The following KSR1 variants were observed in gnomAD, a reference collection of about 807,000 sequenced individuals.
The protein encoded by KSR1 is kinase suppressor of ras 1.
A neutral mutation model predicts 92.9 loss-of-function variants in KSR1; 35 were observed. The ratio of observed to expected loss-of-function variants is 0.38; its 90% CI spans 0.29 to 0.50. The LOEUF (loss-of-function observed/expected upper bound fraction) is 0.50, where lower values mean the gene tolerates loss of function less well. Ranked by LOEUF, KSR1 falls within the 20% of genes least tolerant of loss-of-function variation. The pLI, the probability that KSR1 is intolerant of heterozygous loss-of-function variation, is 0.94. For missense variants in KSR1, 972 were observed against 1,158.5 expected, an observed-to-expected ratio of 0.84 and a Z score of 2.34; for synonymous variants, 467 against 472.6, an observed-to-expected ratio of 0.99 and a Z score of 0.15.
rs1386376986 is a variant in KSR1, at chr17:27,559,577, C to T, written c.372+8869C>T. On this transcript the variant is annotated intron_variant, in intron 2 of 20. Coordinates refer to ENST00000644974, the MANE Select transcript of KSR1 (RefSeq NM_001394583.1). The surrounding 1 kb of genome is among the most constrained non-coding windows in gnomAD (Gnocchi z 4.2). ...TGGCTATGACTGCATTGACCAGGGC[C>T]CTGTGGTGAGAGCTGGGATGCTGAA... is the stretch of plus-strand genomic sequence containing the variant. 6.6e-6 allele frequency among the ~76,000 whole-genome samples: 1 copy of T among 152,186 alleles called. No individual in the cohort carries two copies. Among genetic ancestry groups the T allele is most frequent in the Non-Finnish European group, 1.5e-5 (1 of 68,036 alleles).
intron 11 of KSR1, among the ~76,000 whole-genome samples, chr17:27,603,253 C>G (rs1436189902): frequency 6.6e-6 from 1 of 152,252 alleles, no homozygotes; most frequent in Admixed American, 6.5e-5. Context: ...CTTCCTCTCC[C>G]CTGAGAGCTG....
At chr17:27,483,537 A>C (rs1290039155) in intron 1 of KSR1, 1 of 148,188 alleles carries the variant, frequency 6.7e-6, no homozygotes, top group Non-Finnish European at 1.5e-5. Context: ...CAGTGAGCTG[A>C]GATTGCGCCA....
At chr17:27,527,204 A>G (rs1489245442) in intron 1 of KSR1, 1 of 247,948 alleles carries the variant, frequency 4.0e-6, no homozygotes, top group African/African-American at 2.3e-5. Context: ...GGCAGGTTTT[A>G]TAATTTCATT....
In KSR1 at chr17:27,564,604, G is replaced by A. The variant is rs190764905; in HGVS notation, c.373-12888G>A. On this transcript the variant is annotated intron_variant, in intron 2 of 20. Coordinates refer to ENST00000644974, the MANE Select transcript of KSR1 (RefSeq NM_001394583.1). ...CTGAGCCTCACTACCTTCTACTGTAGTCATGCTTGTCCATGAAGGGCTGTT... is the reference window on the plus strand; with the variant it reads ...CTGAGCCTCACTACCTTCTACTGTAATCATGCTTGTCCATGAAGGGCTGTT... 6.2e-4 allele frequency among the ~76,000 whole-genome samples: 95 copies of A among 152,300 alleles called. 1 individual carries two copies. Among genetic ancestry groups the A allele is most frequent in the Non-Finnish European group, 9.6e-4 (65 of 68,026 alleles).
intron 20 of KSR1, among the ~76,000 whole-genome samples, chr17:27,621,518 G>T (rs1377757882): frequency 6.6e-6 from 1 of 152,210 alleles, no homozygotes; most frequent in African/African-American, 2.4e-5. Context: ...GAGTGAATGG[G>T]TGGCTTGTCC....
chr17:27,510,795 C>T (rs1478578840), intron 1 of KSR1, among the ~76,000 whole-genome samples: 1 of 152,158 alleles, frequency 6.6e-6, no homozygotes, highest in African/African-American at 2.4e-5. Flanking sequence ...TACAGATAAC[C>T]ATTTCCTGGC....
Position 27,600,567 on chromosome 17 carries a change from G to A in KSR1, c.1469-793G>A, listed in dbSNP as rs143825757. Among the ~76,000 whole-genome samples, 555 of 152,186 alleles carry A rather than the reference G, an allele frequency of 3.6e-3. 8 individuals carry two copies. Among genetic ancestry groups the A allele is most frequent in the African/African-American group, 0.013 (523 of 41,522 alleles). ...AAGATGCTACCGTGCATAATCGTGC[G>A]TGCCATCCTTTTATACAGCTTGTAG... On this transcript the variant is annotated intron_variant, in intron 10 of 20. Transcript: ENST00000644974.
At chr17:27,547,857 C>T (rs540496942) in intron 1 of KSR1, among the ~76,000 whole-genome samples, 39 of 152,204 alleles carry the variant, frequency 2.6e-4, no homozygotes, top group Non-Finnish European at 4.9e-4. Flanking sequence ...GGATTACCGG[C>T]GTGTGCCACC....
intron 1 of KSR1, among the ~76,000 whole-genome samples, chr17:27,521,175 C>G (rs1195864468): frequency 2.0e-5 from 3 of 151,964 alleles, no homozygotes; most frequent in African/African-American, 7.2e-5. Context: ...GGGAACTGGC[C>G]CAGGCATCTC....
chr17:27,586,146 G>A (rs1554522), intron 5 of KSR1: 66,258 of 159,906 alleles, frequency 0.41, 14,016 homozygotes, highest in Middle Eastern at 0.45. Flanking sequence ...TCTGAATGAG[G>A]CCCCAAAAGA....
At chr17:27,481,708 G>A (rs1282819588) in intron 1 of KSR1, among the ~76,000 whole-genome samples, 3 of 152,188 alleles carry the variant, frequency 2.0e-5, no homozygotes, top group African/African-American at 7.2e-5. Flanking sequence ...GTGGTTTTAG[G>A]TTACATGGAT....
chr17:27,467,034 G>A (rs1314308568), intron 1 of KSR1, among the ~76,000 whole-genome samples: 2 of 152,208 alleles, frequency 1.3e-5, no homozygotes, highest in African/African-American at 4.8e-5. Context: ...GCTTTATGTA[G>A]CATTTACTTT....
At position 27,588,582 on chromosome 17, in the gene KSR1, T is replaced by TA. The variant is rs781030264; in HGVS notation, c.1046+48dup. On this transcript the variant is annotated intron_variant, in intron 6 of 20. Coordinates refer to ENST00000644974, the MANE Select transcript of KSR1 (RefSeq NM_001394583.1). ...GGGGAGCAGGGCACAGCCGGGCTGG[T>TA]ACCCAGATGGGGCCAGGAGTTCTGG... The TA allele has an allele frequency of 4.0e-6, 6 of 1,515,946 alleles. No homozygotes were observed. In the South Asian group the frequency reaches 7.5e-5, roughly 19 times the overall value. 93.9% of individuals were successfully genotyped at this position (1,515,946 alleles called of 1,614,324 possible). A position where few individuals can be genotyped will look rare whatever the true frequency, so the allele number is the denominator to read the frequency against.
At chr17:27,526,369 G>C in intron 1 of KSR1, 2 of 1,440,648 alleles carry the variant, frequency 1.4e-6, no homozygotes, top group East Asian at 4.6e-5. Context: ...AATTACAAGA[G>C]AGCCACCCCC....
intron 1 of KSR1, among the ~76,000 whole-genome samples, chr17:27,545,346 A>T (rs1332500558): frequency 6.6e-6 from 1 of 152,186 alleles, no homozygotes; most frequent in East Asian, 1.9e-4. Flanking sequence ...CCTGTCTGGC[A>T]CAATGTATTG....
intron 1 of KSR1, among the ~76,000 whole-genome samples, chr17:27,540,889 A>G (rs777856948): frequency 9.2e-5 from 14 of 152,238 alleles, no homozygotes; most frequent in African/African-American, 2.9e-4. Flanking sequence ...CAAGTTGGCC[A>G]TGGCAGCCAG....
At chr17:27,567,758 G>A (rs117571975) in intron 2 of KSR1, among the ~76,000 whole-genome samples, 5 of 151,626 alleles carry the variant, frequency 3.3e-5, no homozygotes, top group Admixed American at 2.6e-4. Flanking sequence ...AAACTGGCTC[G>A]CCCTCCCGGG....
chr17:27,456,563 T>C lies in KSR1; in HGVS notation c.-81T>C. On this transcript the variant is annotated 5_prime_UTR_variant, in exon 1 of 21. Transcript: ENST00000644974. ...CGCCGAGGGGCGCTCCTGGTCCAGC[T>C]CTCCTGGCTCGGGGGTTCCTTGCCG... 2.3e-6 allele frequency: 1 copy of C among 442,328 alleles called. No homozygotes were observed. The allele number at this position is 442,328 out of a possible 1,614,324, so 27.4% of individuals were successfully genotyped here.
chr17:27,609,206 A>G lies in KSR1; in HGVS notation c.2102A>G (p.Tyr701Cys). 6.2e-7 allele frequency: 1 copy of G among 1,613,818 alleles called. No individual in the cohort carries two copies. Among genetic ancestry groups the G allele is most frequent in the Non-Finnish European group, 8.5e-7 (1 of 1,179,728 alleles). The change falls in exon 16 of 21, where the codon TAT (tyrosine) becomes TGT (cysteine). Residue 701 changes from tyrosine (Y) to cysteine (C), a missense_variant. Tyr to Cys is a radical substitution (Grantham distance 194, BLOSUM62 -2). Transcript: ENST00000644974. ...IAQEIIKGMG[Y>C]LHAKGIVHKD... ...TGATGTGTCCTCCAGGGCATGGGAT[A>G]TCTTCATGCCAAGGGCATCGTACAC...
Sources: allele counts gnomAD v4.1 joint callset (sites outside exome capture counted in the v4.1 genomes callset), GRCh38; gene constraint gnomAD v4.1.1; non-coding constraint Gnocchi (gnomAD v3.1); transcripts MANE v1.5; gene names NCBI Gene and HGNC (gene_info 2026-07-23, HGNC 2026-07-21).